Variants in XKR6 observed in about 807,000 individuals in gnomAD.
XKR6 encodes XK related 6.
XKR6 carries 22 observed loss-of-function variants against 56.7 expected under a neutral mutation model. That is an observed-to-expected ratio of 0.39 (90% CI 0.28 to 0.55). XKR6 has a LOEUF of 0.55. XKR6 is among the 20% of genes least tolerant of loss of function. The pLI is 0.66. For missense variants in XKR6, 852 were observed against 889.0 expected (o/e 0.96, Z 0.53); for synonymous variants, 524 against 387.8 (o/e 1.35, Z -4.13).
At chr8:11,160,773 T>C (rs988240736) in intron 1 of XKR6, among the ~76,000 whole-genome samples, 18 of 151,908 alleles carry the variant, frequency 1.2e-4, no homozygotes, top group African/African-American at 2.9e-4. Context: ...CTGGGTATGG[T>C]GGCACTTGCC....
chr8:10,957,372 C>T (rs543526112), intron 1 of XKR6, among the ~76,000 whole-genome samples: 4 of 152,290 alleles, frequency 2.6e-5, no homozygotes, highest in South Asian at 4.2e-4. Flanking sequence ...CTACTCCAGG[C>T]GTGTCACCAT....
At chr8:11,163,359 G>A (rs955712825) in intron 1 of XKR6, among the ~76,000 whole-genome samples, 1 of 152,066 alleles carries the variant, frequency 6.6e-6, no homozygotes, top group Non-Finnish European at 1.5e-5. Context: ...AATGATTACT[G>A]TTGCAGGGAA....
intron 1 of XKR6, among the ~76,000 whole-genome samples, chr8:11,093,214 C>T (rs1350272937): frequency 6.6e-6 from 1 of 152,120 alleles, no homozygotes; most frequent in Non-Finnish European, 1.5e-5. Context: ...TGCCACCATG[C>T]CCGGCTAATT....
intron 2 of XKR6, among the ~76,000 whole-genome samples, chr8:10,900,672 C>T (rs1800009792): frequency 6.6e-6 from 1 of 152,164 alleles, no homozygotes; most frequent in Non-Finnish European, 1.5e-5. Context: ...CTGAACATGA[C>T]ACATGTCCTG....
At chr8:10,948,292 C>T (rs550064831) in intron 1 of XKR6, among the ~76,000 whole-genome samples, 2 of 152,292 alleles carry the variant, frequency 1.3e-5, no homozygotes, top group Admixed American at 6.5e-5. Flanking sequence ...GGACCCTCTC[C>T]CTCAGCGTCC....
chr8:11,016,706 G>T (rs936301215), intron 1 of XKR6, among the ~76,000 whole-genome samples: 1 of 152,172 alleles, frequency 6.6e-6, no homozygotes, highest in Non-Finnish European at 1.5e-5. Context: ...CTGCCTCCGC[G>T]GCCAGCACTG....
chr8:10,978,154 C>T (rs1316152630), intron 1 of XKR6, among the ~76,000 whole-genome samples: 2 of 152,158 alleles, frequency 1.3e-5, no homozygotes, highest in Admixed American at 6.5e-5. Context: ...GCCCCACCCC[C>T]ATTACCATCA....
At chr8:11,160,461 AAAAT>A (rs950169067) in intron 1 of XKR6, among the ~76,000 whole-genome samples, 4 of 152,186 alleles carry the variant, frequency 2.6e-5, no homozygotes, top group Non-Finnish European at 2.9e-5. Flanking sequence ...TTAGACAAAG[AAAAT>A]AAATAAAGTT....
At chr8:11,189,592 G>T (rs1803443948) in intron 1 of XKR6, among the ~76,000 whole-genome samples, 1 of 152,120 alleles carries the variant, frequency 6.6e-6, no homozygotes, top group African/African-American at 2.4e-5. Flanking sequence ...GTGATAAAAA[G>T]TTTACCAAAA....
chr8:11,048,967 C>T (rs903959247), intron 1 of XKR6, among the ~76,000 whole-genome samples: 3 of 152,208 alleles, frequency 2.0e-5, no homozygotes, highest in Non-Finnish European at 4.4e-5. Context: ...GAGGTGGCTG[C>T]AGGCTCTTAT....
At chr8:11,182,885 C>T (rs969131173) in intron 1 of XKR6, among the ~76,000 whole-genome samples, 1 of 152,178 alleles carries the variant, frequency 6.6e-6, no homozygotes, top group Non-Finnish European at 1.5e-5. Context: ...TCCCCTCGCC[C>T]CAGCCCCTGG....
At chr8:10,997,318 C>T (rs1798136668) in intron 1 of XKR6, among the ~76,000 whole-genome samples, 1 of 152,214 alleles carries the variant, frequency 6.6e-6, no homozygotes, top group Non-Finnish European at 1.5e-5. Context: ...ATCCTCAGAA[C>T]AACCTCTTGA....
At chr8:10,968,717 T>C (rs1193089938) in intron 1 of XKR6, among the ~76,000 whole-genome samples, 1 of 151,778 alleles carries the variant, frequency 6.6e-6, no homozygotes, top group East Asian at 1.9e-4. Flanking sequence ...AGAGAAAGAG[T>C]TGGTGGAGTA....
At chr8:11,142,574 C>G (rs756559643) in intron 1 of XKR6, among the ~76,000 whole-genome samples, 8 of 152,168 alleles carry the variant, frequency 5.3e-5, no homozygotes, top group Non-Finnish European at 5.9e-5. Context: ...CACACGAGAT[C>G]TGATTGCTTA....
intron 1 of XKR6, among the ~76,000 whole-genome samples, chr8:11,181,704 A>G (rs1402716235): frequency 1.3e-5 from 2 of 152,254 alleles, no homozygotes; most frequent in Non-Finnish European, 2.9e-5. Context: ...GTGGGCAGGT[A>G]GTGAGCCAGG....
chr8:11,105,405 C>T (rs781376411), intron 1 of XKR6: 2 of 152,214 alleles, frequency 1.3e-5, no homozygotes, highest in African/African-American at 4.8e-5. Context: ...ACCTGCCCTC[C>T]GCTGGTCATT....
In XKR6 at chr8:10,938,672, G is replaced by T. The variant is rs575406554; in HGVS notation, c.765-13842C>A. Among the ~76,000 whole-genome samples, 49 of 152,292 alleles carry T rather than the reference G, an allele frequency of 3.2e-4. No homozygotes were observed. In the East Asian group the frequency reaches 8.9e-3, roughly 28 times the overall value. On this transcript the variant is annotated intron_variant, in intron 1 of 2. Coordinates refer to ENST00000416569, the MANE Select transcript of XKR6 (RefSeq NM_173683.4). ...CAGAGGGATGGAGAACAGATTGGTA[G>T]TTCCCAGGGAGTGAAATTAAGGCAT...
chr8:10,955,859 G>C (rs1267820446), intron 1 of XKR6, among the ~76,000 whole-genome samples: 1 of 152,222 alleles, frequency 6.6e-6, no homozygotes, highest in Non-Finnish European at 1.5e-5. Context: ...GCAGCCCTGG[G>C]TATTTATTTC....
intron 1 of XKR6, among the ~76,000 whole-genome samples, chr8:10,982,172 C>T (rs1166370993): frequency 6.6e-6 from 1 of 152,152 alleles, no homozygotes; most frequent in African/African-American, 2.4e-5. Flanking sequence ...GTTTCAAAGG[C>T]AAATGGTAGG....
Sources: gnomAD v4.1 joint callset for allele counts (sites outside exome capture counted in the v4.1 genomes callset) on GRCh38, gnomAD v4.1.1 for gene constraint, MANE v1.5 for transcripts, NCBI Gene and HGNC (gene_info 2026-07-23, HGNC 2026-07-21) for gene names.